EPHA5: variants seen among roughly 807,000 people sequenced by gnomAD.
EPHA5 encodes EPH receptor A5, also known as ephrin type-A receptor 5.
EPHA5 carries 60 observed loss-of-function variants against 105.0 expected under a neutral mutation model. The ratio of observed to expected loss-of-function variants is 0.57; its 90% CI spans 0.46 to 0.71. The LOEUF (loss-of-function observed/expected upper bound fraction) is 0.71. EPHA5 is among the 30% of genes least tolerant of loss of function. EPHA5 has a pLI of 0.00. For missense variants in EPHA5, 1,218 were observed against 1,274.7 expected (o/e 0.96, Z 0.68); for synonymous variants, 513 against 449.1 (o/e 1.14, Z -1.80).
intron 5 of EPHA5, among the ~76,000 whole-genome samples, chr4:65,463,508 TG>T (rs1728317599): frequency 6.6e-6 from 1 of 152,148 alleles, no homozygotes; most frequent in Non-Finnish European, 1.5e-5. Flanking sequence ...AAATCAGCAT[TG>T]TACTGTTATA....
chr4:65,443,959 TG>T (rs1726269820), intron 5 of EPHA5, among the ~76,000 whole-genome samples: 1 of 151,748 alleles, frequency 6.6e-6, no homozygotes, highest in Non-Finnish European at 1.5e-5. Context: ...ACATGCGCAC[TG>T]GGGGTACACA....
intron 1 of EPHA5, among the ~76,000 whole-genome samples, chr4:65,655,220 T>G (rs967806548): frequency 1.3e-5 from 2 of 152,062 alleles, no homozygotes; most frequent in African/African-American, 4.8e-5. Context: ...TGTTAAGTGA[T>G]ATATACATGT....
At chr4:65,595,400 A>T (rs935022973) in intron 3 of EPHA5, among the ~76,000 whole-genome samples, 7 of 152,104 alleles carry the variant, frequency 4.6e-5, no homozygotes, top group Non-Finnish European at 8.8e-5. Context: ...TTCTAACAAA[A>T]TTTTTATAAA....
chr4:65,644,678 T>C (rs1019418010), intron 1 of EPHA5, among the ~76,000 whole-genome samples: 3 of 152,062 alleles, frequency 2.0e-5, no homozygotes, highest in Admixed American at 1.3e-4. Context: ...TATGTACATT[T>C]AACTATTATT....
chr4:65,513,370 TG>T (rs1000463768), intron 3 of EPHA5, among the ~76,000 whole-genome samples: 5 of 152,076 alleles, frequency 3.3e-5, no homozygotes, highest in African/African-American at 1.2e-4. Flanking sequence ...TCAAAAGATT[TG>T]GGGTTTTTTT....
At chr4:65,346,944 C>T (rs1722280023) in intron 14 of EPHA5, among the ~76,000 whole-genome samples, 1 of 152,184 alleles carries the variant, frequency 6.6e-6, no homozygotes, top group Admixed American at 6.5e-5. Context: ...ATACTTGATT[C>T]ACACTGTAGG....
At chr4:65,393,782 C>A (rs1468738381) in intron 8 of EPHA5, among the ~76,000 whole-genome samples, 1 of 152,122 alleles carries the variant, frequency 6.6e-6, no homozygotes, top group Non-Finnish European at 1.5e-5. Context: ...ATTATGCCTT[C>A]TATCATTTGC....
intron 3 of EPHA5, among the ~76,000 whole-genome samples, chr4:65,502,926 A>G (rs1732637954): frequency 6.6e-6 from 1 of 151,818 alleles, no homozygotes; most frequent in Non-Finnish European, 1.5e-5. Context: ...GGAATACTAC[A>G]CAACCATAAA....
intron 14 of EPHA5, among the ~76,000 whole-genome samples, chr4:65,344,485 G>A (rs1722029730): frequency 6.6e-6 from 1 of 152,136 alleles, no homozygotes; most frequent in Admixed American, 6.5e-5. Context: ...CTGCTGCACA[G>A]CTGGGAAAAA....
intron 8 of EPHA5, among the ~76,000 whole-genome samples, chr4:65,379,589 C>T (rs945812749): frequency 6.6e-6 from 1 of 151,556 alleles, no homozygotes; most frequent in African/African-American, 2.4e-5. Context: ...TTACTTTGAT[C>T]AGTGTCTGGC....
intron 3 of EPHA5, among the ~76,000 whole-genome samples, chr4:65,566,063 C>A (rs1739500568): frequency 6.6e-6 from 1 of 151,700 alleles, no homozygotes; most frequent in South Asian, 2.1e-4. Flanking sequence ...ATTCCACTAT[C>A]CTTGGCATTA....
intron 5 of EPHA5, among the ~76,000 whole-genome samples, chr4:65,477,927 A>C (rs1399449221): frequency 1.3e-5 from 2 of 152,162 alleles, no homozygotes; most frequent in Non-Finnish European, 2.9e-5. Context: ...TTTTTTGGAA[A>C]TGAGGTGAGT....
At chr4:65,528,091 A>G (rs553040340) in intron 3 of EPHA5, among the ~76,000 whole-genome samples, 8 of 152,224 alleles carry the variant, frequency 5.3e-5, no homozygotes, top group African/African-American at 1.9e-4. Context: ...AAATCTATCA[A>G]CAATTTGACC....
intron 8 of EPHA5, among the ~76,000 whole-genome samples, chr4:65,393,929 G>T (rs988865721): frequency 6.6e-6 from 1 of 152,086 alleles, no homozygotes; most frequent in Non-Finnish European, 1.5e-5. Context: ...GACCTACATT[G>T]TAATCTGGAT....
intron 3 of EPHA5, among the ~76,000 whole-genome samples, chr4:65,575,033 A>G (rs1740753770): frequency 6.6e-6 from 1 of 151,904 alleles, no homozygotes. Context: ...AAATGAAGTA[A>G]GTTTTAAATT....
At chr4:65,538,673 T>G (rs1006023628) in intron 3 of EPHA5, among the ~76,000 whole-genome samples, 4 of 151,636 alleles carry the variant, frequency 2.6e-5, no homozygotes, top group Non-Finnish European at 5.9e-5. Context: ...TAATAGGACT[T>G]CCTGTGTTGT....
intron 3 of EPHA5, among the ~76,000 whole-genome samples, chr4:65,595,751 T>C (rs537003795): frequency 7.6e-4 from 116 of 152,100 alleles, no homozygotes; most frequent in Non-Finnish European, 1.5e-3. Flanking sequence ...GGGCTAATTT[T>C]TTGTATATTT....
intron 11 of EPHA5, among the ~76,000 whole-genome samples, chr4:65,358,136 G>C (rs1213936632): frequency 1.3e-5 from 2 of 151,416 alleles, no homozygotes; most frequent in Non-Finnish European, 3.0e-5. Flanking sequence ...AATATCCCCA[G>C]AGGCACATTA....
intron 3 of EPHA5, among the ~76,000 whole-genome samples, chr4:65,530,497 CAG>C (rs1298997453): frequency 6.6e-6 from 1 of 151,884 alleles, no homozygotes; most frequent in Non-Finnish European, 1.5e-5. Context: ...ATATGGTCAA[CAG>C]AGAACTAAGG....
Sources: gnomAD v4.1 joint callset for allele counts (sites outside exome capture counted in the v4.1 genomes callset) on GRCh38, gnomAD v4.1.1 for gene constraint, MANE v1.5 for transcripts, NCBI Gene and HGNC (gene_info 2026-07-23, HGNC 2026-07-21) for gene names.